ADPRHL1: variants seen among roughly 807,000 people sequenced by gnomAD.
The protein encoded by ADPRHL1 is ADP-ribosylhydrolase like 1, also known as inactive ADP-ribosyltransferase ARH2.
A neutral mutation model predicts 44.1 loss-of-function variants in ADPRHL1; 43 were observed. That is an observed-to-expected ratio of 0.98 (90% CI 0.76 to 1.26). The LOEUF is 1.26. ADPRHL1 is among the 50% of genes most tolerant of loss of function. ADPRHL1 has a pLI of 0.00. For missense variants in ADPRHL1, 2,022 were observed against 2,496.9 expected (o/e 0.81, Z 4.05); for synonymous variants, 878 against 1,017.4 (o/e 0.86, Z 2.61).
Position 113,448,465 on chromosome 13 carries a change from C to CAA in ADPRHL1, c.215-3878_215-3877dup, listed in dbSNP as rs61278696. ...CGGGCAAAAGAGTGAGACTATGTCC[C>CAA]AAAAAAAAAAAAAAAAAAAAAAAAA... On this transcript the variant is annotated intron_variant, in intron 1 of 7. Transcript: ENST00000612156. 5.5e-3 allele frequency among the ~76,000 whole-genome samples: 219 copies of CAA among 39,828 alleles called. 37 individuals carry two copies. The highest frequency in any genetic ancestry group is 0.022 in the African/African-American group (207 of 9,360). 26.1% of individuals were successfully genotyped at this position (39,828 alleles called of 152,430 possible). A position where few individuals can be genotyped will look rare whatever the true frequency, so the allele number is the denominator to read the frequency against.
intron 2 of ADPRHL1, among the ~76,000 whole-genome samples, chr13:113,443,572 C>T (rs553523048): frequency 6.6e-6 from 1 of 152,062 alleles, no homozygotes; most frequent in Admixed American, 6.5e-5. Flanking sequence ...TGAGCCATGA[C>T]TGCACCACTG....
At chr13:113,415,404 G>A (rs370231808) in intron 7 of ADPRHL1, among the ~76,000 whole-genome samples, 10 of 152,320 alleles carry the variant, frequency 6.6e-5, no homozygotes, top group African/African-American at 2.2e-4. Flanking sequence ...CCAGCCAGGC[G>A]TGGGCTCAGT....
chr13:113,416,039 C>T (rs565328437), intron 7 of ADPRHL1, among the ~76,000 whole-genome samples: 18 of 151,878 alleles, frequency 1.2e-4, no homozygotes, highest in South Asian at 6.3e-4. Context: ...GAGTGGCCCC[C>T]AGGCGGCGGC....
In ADPRHL1 at chr13:113,409,798, C is replaced by T. The variant is rs945159422; in HGVS notation, c.1062-1578G>A. 2.7e-5 allele frequency among the ~76,000 whole-genome samples: 4 copies of T among 148,098 alleles called. No homozygotes were observed. Among genetic ancestry groups the T allele is most frequent in the South Asian group, 2.1e-4 (1 of 4,710 alleles). ...CAGCTACTTGGGAGGCTGAGGCAGG[C>T]GAATGGCGTGAACCCAGGAGGCAGA... is the stretch of plus-strand genomic sequence containing the variant. On this transcript the variant is annotated intron_variant, in intron 7 of 7. Transcript: ENST00000612156. This position sits in a 1 kb window ranked among gnomAD's most constrained non-coding sequence, Gnocchi z 4.2.
At position 113,409,470 on chromosome 13, in the gene ADPRHL1, C is replaced by T. The variant is rs9604101; in HGVS notation, c.1062-1250G>A. The stretch of plus-strand genomic sequence containing the variant: ...AATGTTGAAAAATCTAGAGCATCCT[C>T]GATGTCCAACTCCAGGGCGGCCGCA... On this transcript the variant is annotated intron_variant, in intron 7 of 7. Coordinates refer to ENST00000612156, the MANE Select transcript of ADPRHL1 (RefSeq NM_001394807.1). This position sits in a 1 kb window ranked among gnomAD's most constrained non-coding sequence, Gnocchi z 4.2. 334,901 of 985,096 alleles carry T rather than the reference C, an allele frequency of 0.34. 57,422 individuals carry two copies. The highest frequency in any genetic ancestry group is 0.38 in the Middle Eastern group (724 of 1,914). 61.0% of individuals were successfully genotyped at this position (985,096 alleles called of 1,614,324 possible).
chr13:113,431,874 C>T (rs2044009860), intron 3 of ADPRHL1, among the ~76,000 whole-genome samples: 1 of 152,096 alleles, frequency 6.6e-6, no homozygotes, highest in East Asian at 1.9e-4. Context: ...CACCACCGTG[C>T]CCAGCTAATT....
chr13:113,440,772 A>C (rs1030870731), intron 2 of ADPRHL1, among the ~76,000 whole-genome samples: 6 of 152,248 alleles, frequency 3.9e-5, no homozygotes, highest in Admixed American at 3.9e-4. Context: ...CTTTTTTAGA[A>C]GCTTTAATCT....
intron 4 of ADPRHL1, among the ~76,000 whole-genome samples, chr13:113,428,095 C>T (rs1200071805): frequency 6.6e-6 from 1 of 152,090 alleles, no homozygotes; most frequent in Non-Finnish European, 1.5e-5. Context: ...ATACAAAAAA[C>T]TAGCTAGGCG....
chr13:113,417,368 G>T (rs1476445228), intron 7 of ADPRHL1, among the ~76,000 whole-genome samples: 1 of 152,252 alleles, frequency 6.6e-6, no homozygotes, highest in African/African-American at 2.4e-5. Flanking sequence ...GGGGAAGGCA[G>T]GGAGATGCTG....
At chr13:113,413,881 AGTT>A (rs1298414728) in intron 7 of ADPRHL1, among the ~76,000 whole-genome samples, 1 of 152,128 alleles carries the variant, frequency 6.6e-6, no homozygotes, top group Admixed American at 6.5e-5. Context: ...TTCCTAATTT[AGTT>A]GTTGGTGGCT....
chr13:113,408,098 T>C lies in ADPRHL1; in HGVS notation c.1184A>G (p.Tyr395Cys). 1 of 1,231,990 alleles carries C rather than the reference T, an allele frequency of 8.1e-7. No individual in the cohort carries two copies. 76.3% of individuals were successfully genotyped at this position (1,231,990 alleles called of 1,614,324 possible). A position where few individuals can be genotyped will look rare whatever the true frequency, so the allele number is the denominator to read the frequency against. Residue 395 changes from tyrosine (Y) to cysteine (C), a missense_variant, in exon 8 of 8, where the codon TAC becomes TGC. This residue lies in a region of ADPRHL1 where 1,221 missense variants were observed against 1,517.8 expected (regional missense o/e 0.80). Transcript: ENST00000612156. ...GGGCCGGTCTGCGCGGCCCGTGACG[T>C]AGAGCAGCAGGCTGCTGAGGATGGA... is the stretch of plus-strand genomic sequence containing the variant. ...AHSILSSLLLYVTGRADRPPG... is the reference protein window; with the variant it reads ...AHSILSSLLLCVTGRADRPPG...
At chr13:113,442,499 T>C (rs963792824) in intron 2 of ADPRHL1, among the ~76,000 whole-genome samples, 4 of 152,202 alleles carry the variant, frequency 2.6e-5, no homozygotes, top group African/African-American at 9.7e-5. Flanking sequence ...GTTGTATTTT[T>C]TTCAGTAGCT....
At position 113,419,308 on chromosome 13, in the gene ADPRHL1, G is replaced by A. The variant is rs2043904366; in HGVS notation, c.1061+3518C>T. On this transcript the variant is annotated intron_variant, in intron 7 of 7. Transcript: ENST00000612156. The stretch of plus-strand genomic sequence containing the variant: ...TTTTTTTTTTTTTTTGTAGAGATGG[G>A]GTTTTGCCATGTTGCCCAGGCTGGT... Among the ~76,000 whole-genome samples, 3 of 142,126 alleles carry A rather than the reference G, an allele frequency of 2.1e-5. No individual in the cohort carries two copies. The South Asian group carries it at 6.8e-4, about 32-fold the overall frequency. The allele number at this position is 142,126 out of a possible 152,430, so 93.2% of individuals were successfully genotyped here.
chr13:113,445,045 C>T (rs1036554461), intron 1 of ADPRHL1, among the ~76,000 whole-genome samples: 14 of 152,182 alleles, frequency 9.2e-5, no homozygotes, highest in African/African-American at 3.4e-4. Context: ...GCTCCTTCTT[C>T]TCTTGCCAGA....
At chr13:113,433,354 T>C (rs2139632416) in intron 3 of ADPRHL1, among the ~76,000 whole-genome samples, 1 of 152,318 alleles carries the variant, frequency 6.6e-6, no homozygotes, top group Middle Eastern at 3.4e-3. Flanking sequence ...GTGCGTTTCT[T>C]TGTCTTTTGT....
intron 1 of ADPRHL1, among the ~76,000 whole-genome samples, chr13:113,446,996 T>C (rs111784966): frequency 0.032 from 3,585 of 111,788 alleles, 1 homozygote; most frequent in African/African-American, 0.063. Flanking sequence ...GTGTTGTGTG[T>C]GCATGGTGTC....
At chr13:113,433,988 G>A in intron 2 of ADPRHL1, 121 bp from the exon 3 acceptor site, 1 of 1,385,984 alleles carries the variant, frequency 7.2e-7, no homozygotes, top group South Asian at 1.5e-5. Flanking sequence ...TTATCAGAGT[G>A]TGGTTTAAAT....
intron 2 of ADPRHL1, among the ~76,000 whole-genome samples, chr13:113,440,072 C>A (rs952635550): frequency 2.6e-5 from 4 of 152,168 alleles, no homozygotes; most frequent in Non-Finnish European, 5.9e-5. Context: ...TGTTTTCAAT[C>A]ATTGATTTTC....
At chr13:113,422,784 G>A (rs1226997113) in intron 7 of ADPRHL1, 42 bp downstream of exon 7, 1 of 1,610,712 alleles carries the variant, frequency 6.2e-7, no homozygotes, top group Non-Finnish European at 8.5e-7. Context: ...GCCCCGGGGT[G>A]GAATCGGCTC....
Sources: gnomAD v4.1 joint callset for allele counts (sites outside exome capture counted in the v4.1 genomes callset) on GRCh38, gnomAD v4.1.1 for gene constraint, gnomAD v4.1.1 regional missense constraint, Gnocchi (gnomAD v3.1) non-coding constraint, MANE v1.5 for transcripts, NCBI Gene and HGNC (gene_info 2026-07-23, HGNC 2026-07-21) for gene names.